JPH3: variants seen among roughly 807,000 people sequenced by gnomAD.
The protein encoded by JPH3 is junctophilin-3.
In JPH3, 11 loss-of-function variants were observed where a neutral mutation model predicts 59.6. That is an observed-to-expected ratio of 0.18 (90% CI 0.12 to 0.31). The LOEUF (loss-of-function observed/expected upper bound fraction) is 0.31. Ranked by LOEUF, JPH3 falls within the 10% of genes least tolerant of loss-of-function variation. The pLI is 1.00. For synonymous variants in JPH3, 673 were observed against 483.6 expected (o/e 1.39, Z -5.14); for missense variants, 1,202 against 1,105.7 (o/e 1.09, Z -1.24).
At chr16:87,612,366 C>G (rs1408738533) in intron 1 of JPH3, among the ~76,000 whole-genome samples, 1 of 152,146 alleles carries the variant, frequency 6.6e-6, no homozygotes, top group African/African-American at 2.4e-5. Context: ...CTCAAGCGAT[C>G]CGCCCACCTT....
intron 2 of JPH3, among the ~76,000 whole-genome samples, chr16:87,661,498 A>G (rs983878546): frequency 6.6e-6 from 1 of 152,144 alleles, no homozygotes; most frequent in African/African-American, 2.4e-5. Flanking sequence ...CATGGGCTGG[A>G]CTTTGGGGGT....
At chr16:87,607,413 C>T (rs543202136) in intron 1 of JPH3, among the ~76,000 whole-genome samples, 1 of 152,362 alleles carries the variant, frequency 6.6e-6, no homozygotes, top group East Asian at 1.9e-4. Flanking sequence ...CACACACACC[C>T]ACAGTCGGAA....
At position 87,697,396 on chromosome 16, in the gene JPH3, C is replaced by T. The variant is rs2033926613; in HGVS notation, c.*736C>T. On this transcript the variant is annotated 3_prime_UTR_variant, in exon 5 of 5. Coordinates refer to ENST00000284262, the MANE Select transcript of JPH3 (RefSeq NM_020655.4). ...TGTGGGTCCCATTCGGCTGTTTCCCCCACCAGACCCCAGGGAAGCCGGGGC... is the reference window on the plus strand; with the variant it reads ...TGTGGGTCCCATTCGGCTGTTTCCCTCACCAGACCCCAGGGAAGCCGGGGC... 2 of 152,382 alleles carry T rather than the reference C, an allele frequency of 1.3e-5. No homozygotes were observed. The highest frequency in any genetic ancestry group is 4.8e-5 in the African/African-American group (2 of 41,474). The allele number at this position is 152,382 out of a possible 1,614,324, so 9.4% of individuals were successfully genotyped here.
At chr16:87,607,447 G>GCA (rs576344105) in intron 1 of JPH3, among the ~76,000 whole-genome samples, 2 of 152,242 alleles carry the variant, frequency 1.3e-5, no homozygotes, top group South Asian at 2.1e-4. Flanking sequence ...AGGCGCCTGC[G>GCA]CACACACACG....
rs776581919 is a variant in JPH3 at position 87,644,444 on chromosome 16, C to CCGTGTCCCGCGGGGGCTTCGTGCT, written c.574_597dup (p.Ser192_Val199dup). On this transcript the variant is annotated inframe_insertion, in exon 2 of 5. Transcript: ENST00000284262. The stretch of plus-strand genomic sequence containing the variant: ...TCTCCGGCGGTGGCCGGCAGCCCGG[C>CCGTGTCCCGCGGGGGCTTCGTGCT]CGTGTCCCGCGGGGGCTTCGTGCTC... 1 of 1,612,404 alleles carries CCGTGTCCCGCGGGGGCTTCGTGCT rather than the reference C, an allele frequency of 6.2e-7. No homozygotes were observed. The highest frequency in any genetic ancestry group is 1.1e-5 in the South Asian group (1 of 91,048).
At chr16:87,627,519 G>A (rs893178627) in intron 1 of JPH3, among the ~76,000 whole-genome samples, 2 of 152,234 alleles carry the variant, frequency 1.3e-5, no homozygotes, top group African/African-American at 4.8e-5. Flanking sequence ...TCCTCCCAGT[G>A]CCTTTGGAGG....
chr16:87,641,036 GT>G (rs1486636200), intron 1 of JPH3, among the ~76,000 whole-genome samples: 2 of 152,224 alleles, frequency 1.3e-5, no homozygotes, highest in East Asian at 1.9e-4. Context: ...AAGCCACAGG[GT>G]TTCCCCCCAG....
intron 4 of JPH3, chr16:87,694,463 A>G (rs904061172): frequency 3.3e-5 from 5 of 152,216 alleles, no homozygotes; most frequent in African/African-American, 1.2e-4. Flanking sequence ...TGTGGCATCC[A>G]GGCTAGGCAA....
intron 2 of JPH3, among the ~76,000 whole-genome samples, chr16:87,682,518 C>T (rs1481456413): frequency 6.6e-6 from 1 of 152,140 alleles, no homozygotes; most frequent in Non-Finnish European, 1.5e-5. Context: ...AGAGAGCACC[C>T]TCGCTTCTTC....
chr16:87,608,151 GGA>G (rs959816029), intron 1 of JPH3, among the ~76,000 whole-genome samples: 4 of 152,220 alleles, frequency 2.6e-5, no homozygotes, highest in African/African-American at 7.2e-5. Flanking sequence ...ACACAGAGAA[GGA>G]GAGAGAGAAC....
intron 2 of JPH3, among the ~76,000 whole-genome samples, chr16:87,651,263 G>A (rs115597764): frequency 3.0e-3 from 452 of 152,270 alleles, no homozygotes; most frequent in African/African-American, 7.4e-3. Flanking sequence ...TACTCACCCC[G>A]GAGCGCCCAT....
chr16:87,692,206 T>TGTCTGCCTCCCCGTCTCCCTCCCC (rs2033606205), intron 4 of JPH3, among the ~76,000 whole-genome samples: 2 of 151,370 alleles, frequency 1.3e-5, no homozygotes, highest in Admixed American at 6.6e-5. Flanking sequence ...TTTCCCTCCC[T>TGTCTGCCTCCCCGTCTCCCTCCCC]GTCTCCCTCC....
intron 1 of JPH3, among the ~76,000 whole-genome samples, chr16:87,617,470 C>T (rs1002586115): frequency 6.6e-5 from 10 of 151,896 alleles, no homozygotes; most frequent in African/African-American, 1.5e-4. Flanking sequence ...GGTGCTGGGC[C>T]GTGTGGAAGT....
At chr16:87,608,931 G>A (rs544415671) in intron 1 of JPH3, among the ~76,000 whole-genome samples, 5 of 152,368 alleles carry the variant, frequency 3.3e-5, no homozygotes, top group African/African-American at 9.6e-5. Flanking sequence ...CCACCACTCA[G>A]GAGGCTGAGG....
intron 1 of JPH3, among the ~76,000 whole-genome samples, chr16:87,624,873 C>T (rs2031313187): frequency 6.6e-6 from 1 of 152,210 alleles, no homozygotes; most frequent in Non-Finnish European, 1.5e-5. Context: ...GATCTTGGCT[C>T]ACTGCAACCT....
intron 4 of JPH3, chr16:87,695,827 A>G (rs2033816523): frequency 2.2e-6 from 1 of 455,902 alleles, no homozygotes; most frequent in East Asian, 6.9e-5. Flanking sequence ...GACGTGTCCT[A>G]CCTGGCCCCG....
At position 87,690,026 on chromosome 16, in the gene JPH3, T is replaced by C. The variant is rs1440575993; in HGVS notation, c.1666T>C (p.Phe556Leu). 1.3e-6 allele frequency: 2 copies of C among 1,539,750 alleles called. No individual in the cohort carries two copies. The highest frequency in any genetic ancestry group is 2.5e-5 in the East Asian group (1 of 40,788). ...ALRGGLLVDDFRTRGSGRKQP... is the reference protein window; with the variant it reads ...ALRGGLLVDDLRTRGSGRKQP... ...GCGCGGCGGCCTGCTCGTGGATGAC[T>C]TCCGCACCCGAGGTTCGGGCCGCAA... The change falls in exon 4 of 5, where the codon TTC becomes CTC. Residue 556 changes from phenylalanine (F) to leucine (L), a missense_variant. Phe to Leu is a conservative substitution (Grantham distance 22). Transcript: ENST00000284262.
In JPH3 at chr16:87,697,976, C is replaced by T. The variant is rs892556104; in HGVS notation, c.*1316C>T. ...CGCAGGACCCCTGTGCCCGGGGAGG[C>T]GCTGCAGGGATTCCCCATCCGGTCG... On this transcript the variant is annotated 3_prime_UTR_variant, in exon 5 of 5. Transcript: ENST00000284262. 1 of 152,556 alleles carries T rather than the reference C, an allele frequency of 6.6e-6. No homozygotes were observed. The highest frequency in any genetic ancestry group is 2.1e-4 in the South Asian group (1 of 4,830). The allele number at this position is 152,556 out of a possible 1,614,324, so 9.5% of individuals were successfully genotyped here. A position where few individuals can be genotyped will look rare whatever the true frequency, so the allele number is the denominator to read the frequency against.
chr16:87,610,006 A>T (rs1224621980), intron 1 of JPH3, among the ~76,000 whole-genome samples: 3 of 152,200 alleles, frequency 2.0e-5, no homozygotes, highest in Non-Finnish European at 2.9e-5. Context: ...AGACGGTCTC[A>T]TCTGGGGGTG....
Sources: allele counts gnomAD v4.1 joint callset (sites outside exome capture counted in the v4.1 genomes callset), GRCh38; gene constraint gnomAD v4.1.1; transcripts MANE v1.5; gene names NCBI Gene and HGNC (gene_info 2026-07-23, HGNC 2026-07-21).